The following SETBP1 variants were observed in gnomAD, a reference collection of about 807,000 sequenced individuals.
The protein encoded by SETBP1 is SET binding protein 1.
A neutral mutation model predicts 101.0 loss-of-function variants in SETBP1; 9 were observed. That is an observed-to-expected ratio of 0.09 (90% CI 0.05 to 0.16). The LOEUF (loss-of-function observed/expected upper bound fraction) is 0.16, where lower values mean the gene tolerates loss of function less well. Among genes scored for constraint, SETBP1 ranks in the 10% least tolerant of loss-of-function variants. The pLI is 1.00. For missense variants in SETBP1, 1,858 were observed against 2,033.8 expected (o/e 0.91, Z 1.66); for synonymous variants, 818 against 788.5 (o/e 1.04, Z -0.63).
intron 3 of SETBP1, among the ~76,000 whole-genome samples, chr18:44,908,344 C>G (rs538464623): frequency 2.7e-4 from 41 of 152,246 alleles, no homozygotes; most frequent in African/African-American, 9.9e-4. Context: ...AGCCACCACA[C>G]CTGGCCCCTC....
intron 2 of SETBP1, among the ~76,000 whole-genome samples, chr18:44,703,403 G>T (rs2069156404): frequency 3.2e-5 from 2 of 62,412 alleles, no homozygotes; most frequent in African/African-American, 5.6e-5. Flanking sequence ...TTAGCTTTGG[G>T]GCAGTTATTT....
chr18:44,703,810 T>C (rs1369641718), intron 2 of SETBP1, among the ~76,000 whole-genome samples: 1 of 152,208 alleles, frequency 6.6e-6, no homozygotes, highest in Non-Finnish European at 1.5e-5. Context: ...CAGAAACTTC[T>C]GAGATTCATG....
At chr18:44,771,644 T>A (rs1283743868) in intron 2 of SETBP1, among the ~76,000 whole-genome samples, 3 of 152,088 alleles carry the variant, frequency 2.0e-5, no homozygotes, top group Non-Finnish European at 4.4e-5. Context: ...ATGCCATTCA[T>A]CTCGGGCCTC....
chr18:44,734,777 C>T (rs2069927506), intron 2 of SETBP1, among the ~76,000 whole-genome samples: 1 of 152,146 alleles, frequency 6.6e-6, no homozygotes, highest in Non-Finnish European at 1.5e-5. Flanking sequence ...TGTTACGTTT[C>T]TTCTTTTGGA....
In SETBP1 at chr18:44,952,918, C is replaced by T. The variant is rs1459061767; in HGVS notation, c.3578C>T (p.Ala1193Val). 6.2e-7 allele frequency: 1 copy of T among 1,614,190 alleles called. No homozygotes were observed. Among genetic ancestry groups the T allele is most frequent in the Admixed American group, 1.7e-5 (1 of 60,022 alleles). Residue 1193 changes from alanine to valine, a missense_variant, in exon 4 of 6, where the codon GCA becomes GTA. Ala to Val is a moderately conservative substitution (Grantham distance 64). Around this residue, in one of 12 missense-constraint regions of SETBP1, gnomAD observed 417 missense variants for 389.1 expected, o/e 1.07. Transcript: ENST00000649279. The part of the protein sequence containing the change: ...SHILSERLSS[A>V]DKELPLVSEK... Reference sequence around the variant, plus strand: ...ATCCTGAGCGAGCGGCTGAGTAGCGCAGACAAAGAGCTCCCGCTGGTGAGT... The same window carrying T: ...ATCCTGAGCGAGCGGCTGAGTAGCGTAGACAAAGAGCTCCCGCTGGTGAGT...
intron 2 of SETBP1, among the ~76,000 whole-genome samples, chr18:44,747,792 C>T (rs1207376738): frequency 2.0e-5 from 3 of 152,214 alleles, no homozygotes; most frequent in Admixed American, 2.0e-4. Flanking sequence ...TAGGATGTCT[C>T]AAAGCCTTTA....
In SETBP1 at chr18:44,701,309, C is replaced by G; in HGVS notation, c.-38C>G. The stretch of plus-strand genomic sequence containing the variant: ...CCTTTCCCTTTTCCCTTTTCCCCTT[C>G]CCCCTCCTGAGAACTCCGGAAGACT... On this transcript the variant is annotated 5_prime_UTR_variant, in exon 2 of 6. Coordinates refer to ENST00000649279, the MANE Select transcript of SETBP1 (RefSeq NM_015559.3). 2 of 1,453,792 alleles carry G rather than the reference C, an allele frequency of 1.4e-6. No homozygotes were observed. The highest frequency in any genetic ancestry group is 1.8e-6 in the Non-Finnish European group (2 of 1,100,718). 90.1% of individuals were successfully genotyped at this position (1,453,792 alleles called of 1,614,324 possible).
intron 4 of SETBP1, among the ~76,000 whole-genome samples, chr18:44,965,290 C>CACAT (rs2071696873): frequency 6.6e-6 from 1 of 151,030 alleles, no homozygotes; most frequent in Non-Finnish European, 1.5e-5. Context: ...CACAAACACA[C>CACAT]ACACACACAC....
At chr18:45,026,914 T>C (rs2073176560) in intron 4 of SETBP1, among the ~76,000 whole-genome samples, 2 of 152,276 alleles carry the variant, frequency 1.3e-5, no homozygotes, top group Admixed American at 1.3e-4. Flanking sequence ...CTGGGTTCTG[T>C]GTGTATATAT....
chr18:44,865,654 C>T (rs1192622845), intron 2 of SETBP1, among the ~76,000 whole-genome samples: 1 of 152,088 alleles, frequency 6.6e-6, no homozygotes, highest in African/African-American at 2.4e-5. Flanking sequence ...GGGGAGTGCT[C>T]AAGATGCAGG....
At position 44,818,459 on chromosome 18, in the gene SETBP1, A is replaced by G. The variant is rs2144868435; in HGVS notation, c.487-50771A>G. On this transcript the variant is annotated intron_variant, in intron 2 of 5. Transcript: ENST00000649279. ...GTGTGCCTTCCACTCTGACATGGGA[A>G]CTCCTTGGGTTTAAAACCAGTGACC... is the stretch of plus-strand genomic sequence containing the variant. 3.3e-5 allele frequency among the ~76,000 whole-genome samples: 5 copies of G among 152,138 alleles called. 1 individual carries two copies. The Middle Eastern group carries it at 0.014, about 414-fold the overall frequency.
chr18:44,887,544 C>T (rs1324383616), intron 3 of SETBP1, among the ~76,000 whole-genome samples: 1 of 152,176 alleles, frequency 6.6e-6, no homozygotes. Context: ...GAGAAGGCAG[C>T]TCTGATAATG....
In SETBP1 at chr18:45,063,635, A is replaced by G. The variant is rs372933465; in HGVS notation, c.4728A>G (p.Glu1576=). 124 of 1,601,432 alleles carry G rather than the reference A, an allele frequency of 7.7e-5. No individual in the cohort carries two copies. The African/African-American group carries it at 1.4e-3, about 19-fold the overall frequency. Residue 1576 remains glutamate (E), a synonymous_variant, in exon 6 of 6, where the codon GAA becomes GAG. Coordinates refer to ENST00000649279, the MANE Select transcript of SETBP1 (RefSeq NM_015559.3). ...QSPPQQPLPQ[E]EEVKAKRQRK... is the part of the protein sequence containing the mutation. Reference sequence around the variant, plus strand: ...CCCCGCAGCAGCCCCTTCCCCAGGAAGAGGAGGTGAAAGCCAAAAGGCAGA... The same window carrying G: ...CCCCGCAGCAGCCCCTTCCCCAGGAGGAGGAGGTGAAAGCCAAAAGGCAGA...
chr18:44,810,152 C>T (rs2071830397), intron 2 of SETBP1, among the ~76,000 whole-genome samples: 3 of 152,256 alleles, frequency 2.0e-5, no homozygotes, highest in Admixed American at 6.5e-5. Flanking sequence ...CCTCTCTTCC[C>T]AACATATTCA....
At position 44,952,955 on chromosome 18, in the gene SETBP1, G is replaced by A. The variant is rs150509004; in HGVS notation, c.3615G>A (p.Lys1205=). ...KELPLVSEKN[K]HKEKQKHQHS... is the part of the protein sequence containing the mutation. ...TCCCGCTGGTGAGTGAGAAGAACAA[G>A]CATAAGGAGAAACAGAAGCACCAGC... Residue 1205 remains lysine (K), a synonymous_variant, in exon 4 of 6, where the codon AAG becomes AAA. Transcript: ENST00000649279. 7.6e-5 allele frequency: 123 copies of A among 1,614,026 alleles called. No homozygotes were observed. Among genetic ancestry groups the A allele is most frequent in the Non-Finnish European group, 9.9e-5 (117 of 1,180,040 alleles).
rs2073920443 is a variant in SETBP1 at position 45,063,456 on chromosome 18, C to T, written c.4549C>T (p.Arg1517Trp). ...ATIEAVIHMA[R>W]EAPPLPPPPP... ...CATCGAGGCGGTCATCCACATGGCC[C>T]GGGAGGCGCCGCCCCTGCCCCCGCC... The change falls in exon 6 of 6, where the codon CGG becomes TGG. Residue 1517 changes from arginine (R) to tryptophan (W), a missense_variant. This residue lies in a region of SETBP1 where 178 missense variants were observed against 189.1 expected (regional missense o/e 0.94). Coordinates refer to ENST00000649279, the MANE Select transcript of SETBP1 (RefSeq NM_015559.3). The T allele has an allele frequency of 6.8e-7, 1 of 1,479,022 alleles. No individual in the cohort carries two copies. The highest frequency in any genetic ancestry group is 9.0e-7 in the Non-Finnish European group (1 of 1,117,300). The allele number at this position is 1,479,022 out of a possible 1,614,324, so 91.6% of individuals were successfully genotyped here. A position where few individuals can be genotyped will look rare whatever the true frequency, so the allele number is the denominator to read the frequency against.
intron 2 of SETBP1, among the ~76,000 whole-genome samples, chr18:44,719,888 C>T (rs2069547968): frequency 6.6e-6 from 1 of 152,190 alleles, no homozygotes; most frequent in African/African-American, 2.4e-5. Flanking sequence ...TCAAAGCACA[C>T]AGCCTGCTGG....
chr18:44,731,288 C>T (rs903419420), intron 2 of SETBP1, among the ~76,000 whole-genome samples: 2 of 152,190 alleles, frequency 1.3e-5, no homozygotes, highest in Non-Finnish European at 2.9e-5. Context: ...AGCACAGTCA[C>T]TAAGGCCAGC....
chr18:44,774,463 T>G (rs2070948672), intron 2 of SETBP1, among the ~76,000 whole-genome samples: 1 of 152,024 alleles, frequency 6.6e-6, no homozygotes, highest in African/African-American at 2.4e-5. Flanking sequence ...TGCAAAGACA[T>G]GCTGATGACC....
Sources: allele counts gnomAD v4.1 joint callset (sites outside exome capture counted in the v4.1 genomes callset), GRCh38; gene constraint gnomAD v4.1.1; regional missense constraint gnomAD v4.1.1; transcripts MANE v1.5; gene names NCBI Gene and HGNC (gene_info 2026-07-23, HGNC 2026-07-21).